SGCD: variants seen among roughly 807,000 people sequenced by gnomAD.
The protein encoded by SGCD is delta-sarcoglycan.
A neutral mutation model predicts 36.6 loss-of-function variants in SGCD; 18 were observed. That is an observed-to-expected ratio of 0.49 (90% CI 0.34 to 0.73). The LOEUF (loss-of-function observed/expected upper bound fraction) is 0.73. SGCD is among the 30% of genes least tolerant of loss of function. SGCD has a pLI of 0.01. For missense variants in SGCD, 387 were observed against 346.7 expected, an observed-to-expected ratio of 1.12 and a Z score of -0.92; for synonymous variants, 133 against 130.6, an observed-to-expected ratio of 1.02 and a Z score of -0.12.
chr5:156,764,176 G>A lies in SGCD; in HGVS notation c.*4786G>A, dbSNP rs1561903272. The A allele has an allele frequency of 6.6e-6, 1 of 152,466 alleles. No homozygotes were observed. The highest frequency in any genetic ancestry group is 2.1e-4 in the South Asian group (1 of 4,818). 9.4% of individuals were successfully genotyped at this position (152,466 alleles called of 1,614,324 possible). On this transcript the variant is annotated 3_prime_UTR_variant, in exon 9 of 9. Transcript: ENST00000337851. ...TATAAGAAACAACCTTCGAAAACAGGCCTTTTATCTCAAAGATAAAATGTC... is the reference window on the plus strand; with the variant it reads ...TATAAGAAACAACCTTCGAAAACAGACCTTTTATCTCAAAGATAAAATGTC...
intron 1 of SGCD, among the ~76,000 whole-genome samples, chr5:156,088,788 T>C (rs775381792): frequency 6.6e-6 from 1 of 152,200 alleles, no homozygotes; most frequent in African/African-American, 2.4e-5. Flanking sequence ...GCTTTACTTA[T>C]TTGTGGTTTT....
At chr5:156,431,313 G>A (rs1252771899) in intron 3 of SGCD, among the ~76,000 whole-genome samples, 1 of 152,112 alleles carries the variant, frequency 6.6e-6, no homozygotes, top group East Asian at 1.9e-4. Context: ...TTTTTCTTAA[G>A]ATCTGATTAT....
chr5:155,800,387 C>T, the SGCD span, among the ~76,000 whole-genome samples: 2 of 152,118 alleles, frequency 1.3e-5, no homozygotes, highest in Non-Finnish European at 2.9e-5. Flanking sequence ...CTCTCAGTTA[C>T]TGCAGATCCT....
At chr5:156,384,660 AG>A (rs111699907) in intron 3 of SGCD, among the ~76,000 whole-genome samples, 26,665 of 151,262 alleles carry the variant, frequency 0.18, 2,860 homozygotes, top group African/African-American at 0.3. Context: ...CATCTCAAAA[AG>A]ATGTGCATTT....
intron 7 of SGCD, among the ~76,000 whole-genome samples, chr5:156,725,217 A>G (rs1055922358): frequency 6.6e-6 from 1 of 152,204 alleles, no homozygotes; most frequent in South Asian, 2.1e-4. Flanking sequence ...GTCTAGAATG[A>G]TGGCTCTAAG....
intron 1 of SGCD, among the ~76,000 whole-genome samples, chr5:155,874,299 C>T (rs1019434556): frequency 5.3e-5 from 8 of 151,920 alleles, no homozygotes; most frequent in Non-Finnish European, 1.2e-4. Flanking sequence ...AAAATAACAG[C>T]AGCAACAACA....
chr5:155,878,085 TG>T lies in SGCD; in HGVS notation c.-282+7664del, dbSNP rs1419767387. The stretch of plus-strand genomic sequence containing the variant: ...GGGTGACTGCATTATTTTTCAGTAG[TG>T]GGCTTATGGCAGAACTGGAATTTTA... On this transcript the variant is annotated intron_variant, in intron 1 of 9. Transcript: ENST00000517913. 3.3e-5 allele frequency among the ~76,000 whole-genome samples: 5 copies of T among 152,166 alleles called. 1 individual carries two copies. The highest frequency in any genetic ancestry group is 1.2e-4 in the African/African-American group (5 of 41,544).
At chr5:156,512,376 G>A (rs1046036881) in intron 4 of SGCD, among the ~76,000 whole-genome samples, 4 of 151,832 alleles carry the variant, frequency 2.6e-5, no homozygotes, top group African/African-American at 4.8e-5. Context: ...GATACTTCCC[G>A]CTGTTCCAGT....
chr5:156,048,648 C>T (rs1759836187), intron 1 of SGCD, among the ~76,000 whole-genome samples: 1 of 152,146 alleles, frequency 6.6e-6, no homozygotes, highest in African/African-American at 2.4e-5. Flanking sequence ...TGTTCATATC[C>T]TTCACCCACT....
Position 156,062,078 on chromosome 5 carries a change from C to T in SGCD, c.-281-55800C>T, listed in dbSNP as rs372536720. Among the ~76,000 whole-genome samples the T allele has an allele frequency of 9.1e-4, 71 of 77,746 alleles. 2 individuals carry two copies. The East Asian group carries it at 0.015, about 17-fold the overall frequency. 51.0% of individuals were successfully genotyped at this position (77,746 alleles called of 152,430 possible). On this transcript the variant is annotated intron_variant, in intron 1 of 9. Transcript: ENST00000517913. The stretch of plus-strand genomic sequence containing the variant: ...GGTATATCTCCCAATGCTATCCCTC[C>T]CCCCTCCCCCGACCCCACCACAGTC...
chr5:155,828,184 T>C, the SGCD span, among the ~76,000 whole-genome samples: 11 of 152,158 alleles, frequency 7.2e-5, no homozygotes, highest in African/African-American at 2.4e-4. Context: ...ATAATAGTAA[T>C]AGCTACCTAT....
intron 1 of SGCD, among the ~76,000 whole-genome samples, chr5:155,964,479 C>G (rs1241431779): frequency 6.6e-6 from 1 of 151,988 alleles, no homozygotes; most frequent in African/African-American, 2.4e-5. Context: ...GGTGGGATTA[C>G]AGGCACCCAC....
At chr5:156,461,887 A>T (rs755204107) in intron 3 of SGCD, among the ~76,000 whole-genome samples, 3 of 152,152 alleles carry the variant, frequency 2.0e-5, no homozygotes, top group Non-Finnish European at 4.4e-5. Context: ...CTAGTGCTGT[A>T]TATTAAATCA....
At chr5:155,977,114 C>G (rs1037698943) in intron 1 of SGCD, among the ~76,000 whole-genome samples, 1 of 152,226 alleles carries the variant, frequency 6.6e-6, no homozygotes, top group African/African-American at 2.4e-5. Context: ...CGCTTTGCAC[C>G]TCAGGGTCTT....
Position 156,427,730 on chromosome 5 carries a change from A to G in SGCD, c.193-80871A>G, listed in dbSNP as rs1307782347. Among the ~76,000 whole-genome samples, 3 of 152,062 alleles carry G rather than the reference A, an allele frequency of 2.0e-5. 1 individual carries two copies. Among genetic ancestry groups the G allele is most frequent in the East Asian group, 3.9e-4 (2 of 5,182 alleles). ...TGTCCCTTCTATGCCAATTTTGTTG[A>G]GAGGTTTTATCATAAAGGGATGCTG... On this transcript the variant is annotated intron_variant, in intron 3 of 8. Coordinates refer to ENST00000337851, the MANE Select transcript of SGCD (RefSeq NM_000337.6).
Position 156,146,171 on chromosome 5 carries a change from C to G in SGCD, c.-44+22152C>G, listed in dbSNP as rs558925616. Reference sequence around the variant, plus strand: ...GAGCTTGCAGTGAGCTGAGATAGCGCCATTGCACTCCAGCCTGGGCGACAG... The same window carrying G: ...GAGCTTGCAGTGAGCTGAGATAGCGGCATTGCACTCCAGCCTGGGCGACAG... On this transcript the variant is annotated intron_variant, in intron 3 of 9. Coordinates refer to the SGCD transcript ENST00000517913. Among the ~76,000 whole-genome samples the G allele has an allele frequency of 2.0e-5, 3 of 152,236 alleles. No homozygotes were observed. The East Asian group carries it at 5.8e-4, about 29-fold the overall frequency.
At chr5:156,053,256 G>A (rs1026617185) in intron 1 of SGCD, among the ~76,000 whole-genome samples, 1 of 146,208 alleles carries the variant, frequency 6.8e-6, no homozygotes, top group East Asian at 1.9e-4. Context: ...AAGGTTAAGG[G>A]CTATAGCAGA....
chr5:155,831,666 A>C, the SGCD span, among the ~76,000 whole-genome samples: 10 of 152,214 alleles, frequency 6.6e-5, no homozygotes, highest in Non-Finnish European at 1.5e-5. Context: ...CCCCCGTCAC[A>C]AATCCCCACT....
intron 3 of SGCD, among the ~76,000 whole-genome samples, chr5:156,307,069 T>C (rs1436570156): frequency 2.7e-5 from 4 of 146,842 alleles, no homozygotes; most frequent in African/African-American, 1.0e-4. Flanking sequence ...TGATTTAGAG[T>C]CTCACTCTGT....
Sources: gnomAD v4.1 joint callset for allele counts (sites outside exome capture counted in the v4.1 genomes callset) on GRCh38, gnomAD v4.1.1 for gene constraint, MANE v1.5 for transcripts, NCBI Gene and HGNC (gene_info 2026-07-23, HGNC 2026-07-21) for gene names.